Variants in LRP1B observed in about 807,000 individuals in gnomAD.
LRP1B encodes the protein LDL receptor related protein 1B.
A neutral mutation model predicts 556.6 loss-of-function variants in LRP1B; 217 were observed. That is an observed-to-expected ratio of 0.39 (90% CI 0.35 to 0.44). The LOEUF is 0.44. LRP1B is among the 20% of genes least tolerant of loss of function. LRP1B has a pLI of 1.00. For missense variants in LRP1B, 5,053 were observed against 5,620.8 expected (o/e 0.90, Z 3.23); for synonymous variants, 2,047 against 1,865.8 (o/e 1.10, Z -2.50).
chr2:141,295,386 T>C (rs1458155229), intron 3 of LRP1B, among the ~76,000 whole-genome samples: 1 of 152,214 alleles, frequency 6.6e-6, no homozygotes, highest in Non-Finnish European at 1.5e-5. Flanking sequence ...TCAGTTTTCT[T>C]TCAAACCGTA....
intron 7 of LRP1B, among the ~76,000 whole-genome samples, chr2:141,108,371 A>G (rs1574080973): frequency 2.1e-5 from 2 of 93,804 alleles, no homozygotes; most frequent in Non-Finnish European, 2.0e-5. Context: ...TTTTTGAGAC[A>G]GAGTTTCACT....
chr2:141,300,850 G>A (rs1402128646), intron 3 of LRP1B, among the ~76,000 whole-genome samples: 1 of 152,148 alleles, frequency 6.6e-6, no homozygotes, highest in Non-Finnish European at 1.5e-5. Context: ...CCCAGCTTCA[G>A]ATGTTTCTTT....
intron 32 of LRP1B, among the ~76,000 whole-genome samples, chr2:140,781,714 T>C (rs1250811392): frequency 1.3e-5 from 2 of 152,350 alleles, no homozygotes; most frequent in Admixed American, 6.5e-5. Flanking sequence ...TTTCCATACA[T>C]ATGTCTTCAC....
intron 1 of LRP1B, among the ~76,000 whole-genome samples, chr2:141,932,892 A>G (rs978218870): frequency 2.6e-5 from 4 of 152,054 alleles, no homozygotes; most frequent in Non-Finnish European, 5.9e-5. Context: ...TCTGATTAAT[A>G]TAACCATCAA....
intron 2 of LRP1B, among the ~76,000 whole-genome samples, chr2:141,514,842 TA>T (rs905167994): frequency 2.6e-5 from 4 of 152,136 alleles, no homozygotes; most frequent in African/African-American, 9.7e-5. Context: ...ATCCTGAAAG[TA>T]AAAAACACAG....
intron 18 of LRP1B, among the ~76,000 whole-genome samples, chr2:140,977,741 A>G (rs1301293872): frequency 6.6e-6 from 1 of 152,138 alleles, no homozygotes; most frequent in African/African-American, 2.4e-5. Flanking sequence ...CTGTTTTTTA[A>G]CAAGCTCCTC....
chr2:140,942,193 C>T (rs999688765), intron 20 of LRP1B, among the ~76,000 whole-genome samples: 7 of 151,880 alleles, frequency 4.6e-5, no homozygotes, highest in East Asian at 1.9e-4. Context: ...GAAAGAATTT[C>T]GAAGCTCAAT....
At position 140,945,434 on chromosome 2, in the gene LRP1B, CATCAGA is replaced by C. The variant is rs1695513359; in HGVS notation, c.3136+4795_3136+4800del. Among the ~76,000 whole-genome samples the C allele has an allele frequency of 7.9e-5, 12 of 152,180 alleles. 1 individual carries two copies. In the South Asian group the frequency reaches 2.5e-3, roughly 32 times the overall value. On this transcript the variant is annotated intron_variant, in intron 20 of 90. Transcript: ENST00000389484. Reference sequence around the variant, plus strand: ...TAAGCAAAAAGAATATAGCTAGAGGCATCAGATTATCCAACTTCAAACTATACTACA... The same window carrying C: ...TAAGCAAAAAGAATATAGCTAGAGGCTTATCCAACTTCAAACTATACTACA...
intron 2 of LRP1B, among the ~76,000 whole-genome samples, chr2:141,506,674 A>G (rs1683944810): frequency 6.6e-6 from 1 of 152,060 alleles, no homozygotes; most frequent in Non-Finnish European, 1.5e-5. Context: ...TTGTATTAGT[A>G]TGTTATAATA....
At chr2:141,388,122 A>C (rs1286814591) in intron 3 of LRP1B, among the ~76,000 whole-genome samples, 1 of 152,230 alleles carries the variant, frequency 6.6e-6, no homozygotes, top group Non-Finnish European at 1.5e-5. Context: ...AGCACTTGTC[A>C]AAATCACTCT....
At chr2:141,799,801 A>AGTGTCTGTGTGT (rs1396675003) in intron 2 of LRP1B, among the ~76,000 whole-genome samples, 1 of 93,284 alleles carries the variant, frequency 1.1e-5, no homozygotes, top group African/African-American at 4.5e-5. Context: ...GTTTTTAAAG[A>AGTGTCTGTGTGT]GTGTGTCTGT....
chr2:141,914,212 C>T (rs535950493), intron 1 of LRP1B, among the ~76,000 whole-genome samples: 20 of 151,976 alleles, frequency 1.3e-4, no homozygotes, highest in Admixed American at 4.6e-4. Context: ...ACTATGCAAA[C>T]CTAAATTAAT....
intron 1 of LRP1B, 113 bp downstream of exon 1, chr2:142,130,535 C>G (rs1707812924): frequency 1.1e-6 from 1 of 879,404 alleles, no homozygotes; most frequent in Non-Finnish European, 1.7e-6. Context: ...GTCACCCGGT[C>G]CCGGGGAGCG....
intron 33 of LRP1B, among the ~76,000 whole-genome samples, chr2:140,773,183 C>A (rs192911456): frequency 6.6e-6 from 1 of 152,046 alleles, no homozygotes; most frequent in Non-Finnish European, 1.5e-5. Context: ...GAGAATGTGG[C>A]TAGGGGCGCG....
intron 3 of LRP1B, among the ~76,000 whole-genome samples, chr2:141,382,599 C>T (rs564757043): frequency 6.6e-6 from 1 of 152,310 alleles, no homozygotes; most frequent in Admixed American, 6.5e-5. Context: ...GATAGGTTTG[C>T]TGGCCTTCAT....
chr2:140,438,379 T>G (rs72897827), intron 66 of LRP1B, among the ~76,000 whole-genome samples: 1 of 152,074 alleles, frequency 6.6e-6, no homozygotes, highest in African/African-American at 2.4e-5. Flanking sequence ...AGAATACTTA[T>G]AGCTTATAGC....
intron 3 of LRP1B, among the ~76,000 whole-genome samples, chr2:141,399,640 G>A (rs187723899): frequency 3.5e-4 from 53 of 152,242 alleles, no homozygotes; most frequent in African/African-American, 1.2e-3. Flanking sequence ...AGCAAGAAAG[G>A]CTGAAGCAAT....
Position 141,552,368 on chromosome 2 carries a change from G to A in LRP1B, c.206-71835C>T, listed in dbSNP as rs139266038. Among the ~76,000 whole-genome samples the A allele has an allele frequency of 6.0e-3, 919 of 152,156 alleles. 5 individuals carry two copies. Among genetic ancestry groups the A allele is most frequent in the African/African-American group, 0.021 (860 of 41,548 alleles). ...AGTGACACAATAATGAACTCTCATT[G>A]TGAGTATTAAAACAGAGCAATTTTG... On this transcript the variant is annotated intron_variant, in intron 2 of 90. Coordinates refer to ENST00000389484, the MANE Select transcript of LRP1B (RefSeq NM_018557.3).
intron 83 of LRP1B, among the ~76,000 whole-genome samples, chr2:140,313,401 G>A (rs1684389709): frequency 1.3e-5 from 2 of 151,856 alleles, no homozygotes; most frequent in African/African-American, 2.4e-5. Context: ...ATTAAAAGTT[G>A]TGCTGTATCT....
Sources: gnomAD v4.1 joint callset for allele counts (sites outside exome capture counted in the v4.1 genomes callset) on GRCh38, gnomAD v4.1.1 for gene constraint, MANE v1.5 for transcripts, NCBI Gene and HGNC (gene_info 2026-07-23, HGNC 2026-07-21) for gene names.